The following NLGN4Y variants were observed in gnomAD, a reference collection of about 807,000 sequenced individuals.
The protein encoded by NLGN4Y is neuroligin 4 Y-linked, also known as neuroligin-4, Y-linked.
Under a neutral mutation model 8.4 loss-of-function variants are expected in NLGN4Y, and 4 were observed. That is an observed-to-expected ratio of 0.48 (90% CI 0.23 to 1.09). NLGN4Y has a LOEUF of 1.09. Ranked by LOEUF, NLGN4Y falls within the 50% of genes least tolerant of loss-of-function variation. The pLI, the probability that NLGN4Y is intolerant of heterozygous loss-of-function variation, is 0.19. For missense variants in NLGN4Y, 90 were observed against 192.3 expected, an observed-to-expected ratio of 0.47 and a Z score of 3.15; for synonymous variants, 35 against 75.6, an observed-to-expected ratio of 0.46 and a Z score of 2.78.
intron 4 of NLGN4Y, among the ~76,000 whole-genome samples, chrY:14,788,578 C>T: frequency 3.0e-5 from 1 of 33,363 alleles, no homozygotes; most frequent in Non-Finnish European, 7.4e-5. Flanking sequence ...CTCTTCTGTC[C>T]TTTCCCTTGT....
chrY:14,824,811 G>A (rs2150593410), intron 5 of NLGN4Y, among the ~76,000 whole-genome samples: 1 of 33,829 alleles, frequency 3.0e-5, no homozygotes, highest in East Asian at 8.0e-4. Context: ...TGCTTGGTTA[G>A]CAATATCTCC....
At position 14,843,928 on chromosome Y, in the gene NLGN4Y, A is replaced by G. The variant is rs761243506; in HGVS notation, c.*2666A>G. 5.8e-5 allele frequency: 7 copies of G among 121,375 alleles called. No homozygotes were observed. Among genetic ancestry groups the G allele is most frequent in the South Asian group, 2.3e-4 (6 of 25,554 alleles). 30.3% of individuals were successfully genotyped at this position (121,375 alleles called of 400,897 possible). ...GTATAAACTTTTCAGCAGCATTTTA[A>G]TAATAAAATATCACACTATTTTCTA... On this transcript the variant is annotated 3_prime_UTR_variant, in exon 7 of 7. Coordinates refer to ENST00000684976, the MANE Select transcript of NLGN4Y (RefSeq NM_001365588.1).
intron 1 of NLGN4Y, among the ~76,000 whole-genome samples, chrY:14,544,903 T>C (rs2080163581): frequency 3.2e-5 from 1 of 31,246 alleles, no homozygotes; most frequent in Non-Finnish European, 7.8e-5. Context: ...TAGCATTAGG[T>C]ATATCTCCCG....
intron 6 of NLGN4Y, among the ~76,000 whole-genome samples, chrY:14,834,600 T>A: frequency 2.9e-5 from 1 of 34,282 alleles, no homozygotes; most frequent in Non-Finnish European, 7.3e-5. Context: ...AAATGCATGA[T>A]GTGGATTCAA....
At chrY:14,683,293 G>C (rs2080776313) in intron 2 of NLGN4Y, among the ~76,000 whole-genome samples, 1 of 33,670 alleles carries the variant, frequency 3.0e-5, no homozygotes, top group African/African-American at 1.2e-4. Flanking sequence ...GAGCACAGAT[G>C]ATGCTAAACA....
intron 2 of NLGN4Y, among the ~76,000 whole-genome samples, chrY:14,683,240 A>G: frequency 3.0e-5 from 1 of 33,281 alleles, no homozygotes; most frequent in South Asian, 6.6e-4. Flanking sequence ...ATGAAGGAAC[A>G]TATTAGAACT....
At chrY:14,748,750 T>C in intron 4 of NLGN4Y, 1 of 182,800 alleles carries the variant, frequency 5.5e-6, no homozygotes, top group Non-Finnish European at 1.1e-5. Context: ...AATTCTCCAC[T>C]GTCCTCTCAC....
intron 1 of NLGN4Y, among the ~76,000 whole-genome samples, chrY:14,533,629 G>A (rs752920691): frequency 1.8e-4 from 6 of 32,908 alleles, no homozygotes; most frequent in Middle Eastern, 0.014. Flanking sequence ...TGTGCAGAAT[G>A]TGCAGGTTTG....
At chrY:14,556,542 C>G in intron 1 of NLGN4Y, among the ~76,000 whole-genome samples, 2 of 32,963 alleles carry the variant, frequency 6.1e-5, no homozygotes, top group Non-Finnish European at 1.5e-4. Flanking sequence ...AGGCTAAAAT[C>G]AAGGTATCAT....
At chrY:14,633,329 T>C in intron 2 of NLGN4Y, among the ~76,000 whole-genome samples, 1 of 33,891 alleles carries the variant, frequency 3.0e-5, no homozygotes, top group African/African-American at 1.2e-4. Flanking sequence ...AGCTATTTAC[T>C]ATTTATTCAT....
At chrY:14,707,141 C>T (rs2080884513) in intron 2 of NLGN4Y, among the ~76,000 whole-genome samples, 1 of 8,263 alleles carries the variant, frequency 1.2e-4, no homozygotes, top group Non-Finnish European at 2.5e-4. Context: ...ATATCTGTAG[C>T]GGTCTATATA....
chrY:14,617,583 G>C (rs2080494888), intron 1 of NLGN4Y, among the ~76,000 whole-genome samples: 1 of 31,313 alleles, frequency 3.2e-5, no homozygotes, highest in Non-Finnish European at 7.7e-5. Flanking sequence ...AGGAGGCAAG[G>C]GGGTCAGGGA....
chrY:14,547,272 C>T, intron 1 of NLGN4Y, among the ~76,000 whole-genome samples: 1 of 33,347 alleles, frequency 3.0e-5, no homozygotes, highest in Non-Finnish European at 7.4e-5. Context: ...TAGGGCTATA[C>T]ATGAGACCTT....
At chrY:14,529,008 C>A (rs2080102125) in intron 1 of NLGN4Y, among the ~76,000 whole-genome samples, 1 of 32,260 alleles carries the variant, frequency 3.1e-5, no homozygotes, top group Non-Finnish European at 7.5e-5. Context: ...TATCGATGAT[C>A]ATTTTGGTTT....
chrY:14,547,948 T>C, intron 1 of NLGN4Y, among the ~76,000 whole-genome samples: 1 of 33,046 alleles, frequency 3.0e-5, no homozygotes, highest in Non-Finnish European at 7.4e-5. Flanking sequence ...GTTGCAGTTA[T>C]AGGTAAAACT....
intron 1 of NLGN4Y, among the ~76,000 whole-genome samples, chrY:14,589,949 C>T: frequency 2.9e-5 from 1 of 34,727 alleles, no homozygotes; most frequent in Non-Finnish European, 7.3e-5. Flanking sequence ...AGCTGAGGCC[C>T]AGCTAGAAAT....
At chrY:14,725,424 G>A in intron 4 of NLGN4Y, among the ~76,000 whole-genome samples, 1 of 33,680 alleles carries the variant, frequency 3.0e-5, no homozygotes, top group Non-Finnish European at 7.4e-5. Flanking sequence ...TTTCCCATGG[G>A]CCAATACACA....
At chrY:14,741,820 T>G in intron 4 of NLGN4Y, among the ~76,000 whole-genome samples, 2 of 34,051 alleles carry the variant, frequency 5.9e-5, no homozygotes, top group Non-Finnish European at 1.5e-4. Flanking sequence ...GAAAAAATAA[T>G]CTACTATGCC....
At chrY:14,824,137 A>G in intron 4 of NLGN4Y, 51 bp from the exon 5 acceptor site, 2 of 363,377 alleles carry the variant, frequency 5.5e-6, no homozygotes, top group East Asian at 1.9e-4. Flanking sequence ...AATGGTGGGG[A>G]TGTGTACACA....
Sources: gnomAD v4.1 joint callset for allele counts (sites outside exome capture counted in the v4.1 genomes callset) on GRCh38, gnomAD v4.1.1 for gene constraint, MANE v1.5 for transcripts, NCBI Gene and HGNC (gene_info 2026-07-23, HGNC 2026-07-21) for gene names.